RADX: variants seen among roughly 807,000 people sequenced by gnomAD.
RADX encodes the protein RPA1 related single stranded DNA binding protein, X-linked.
In RADX, 36 loss-of-function variants were observed where a neutral mutation model predicts 61.6. The ratio of observed to expected loss-of-function variants is 0.58; its 90% CI spans 0.45 to 0.77. RADX has a LOEUF of 0.77. Among genes scored for constraint, RADX ranks in the 30% least tolerant of loss-of-function variants. The pLI is 0.00. For synonymous variants in RADX, 272 were observed against 237.9 expected (o/e 1.14, Z -1.32); for missense variants, 497 against 651.1 (o/e 0.76, Z 2.58).
intron 12 of RADX, among the ~76,000 whole-genome samples, chrX:106,666,487 G>A (rs1443874504): frequency 8.9e-6 from 1 of 111,833 alleles, no homozygotes; most frequent in African/African-American, 3.2e-5. Context: ...TTTCAAAAAG[G>A]CTTTCAGCAA....
chrX:106,640,829 C>A, intron 10 of RADX, 108 bp downstream of exon 10: 2 of 529,242 alleles, frequency 3.8e-6, no homozygotes, highest in South Asian at 1.1e-4. Flanking sequence ...TGTTAGGGCC[C>A]CCATAACAAA....
intron 12 of RADX, among the ~76,000 whole-genome samples, chrX:106,663,044 A>G (rs1441065318): frequency 2.7e-5 from 3 of 111,524 alleles, no homozygotes; most frequent in East Asian, 5.6e-4. Context: ...TCACAGGAAG[A>G]TCTTAGTACC....
At chrX:106,646,059 T>C (rs775385851) in intron 10 of RADX, among the ~76,000 whole-genome samples, 1 of 111,132 alleles carries the variant, frequency 9.0e-6, no homozygotes, top group South Asian at 3.8e-4. Context: ...TTGTCTGATA[T>C]AAAGATAGCT....
intron 10 of RADX, among the ~76,000 whole-genome samples, chrX:106,641,741 A>G (rs910252795): frequency 2.7e-4 from 30 of 111,460 alleles, no homozygotes; most frequent in African/African-American, 8.1e-4. Flanking sequence ...AAGGAAATGA[A>G]CCCACCCTCT....
chrX:106,652,469 A>C (rs994909173), intron 11 of RADX, among the ~76,000 whole-genome samples: 1 of 111,434 alleles, frequency 9.0e-6, no homozygotes, highest in Non-Finnish European at 1.9e-5. Context: ...AATAGAATTT[A>C]AGGTAAAAAC....
In RADX at chrX:106,632,605, G is replaced by A. The variant is rs1446131963; in HGVS notation, c.980-20G>A. ...GGTGTGTATTAAATAGCATATTAAAGTAATATATTTATTTTTCAGAAATCT... is the reference window on the plus strand; with the variant it reads ...GGTGTGTATTAAATAGCATATTAAAATAATATATTTATTTTTCAGAAATCT... On this transcript the variant is annotated intron_variant, in intron 3 of 13. Coordinates refer to ENST00000372548, the MANE Select transcript of RADX (RefSeq NM_018015.6). The A allele has an allele frequency of 3.9e-6, 4 of 1,026,364 alleles. No individual in the cohort carries two copies. Among genetic ancestry groups the A allele is most frequent in the Admixed American group, 2.4e-5 (1 of 42,371 alleles). The allele number at this position is 1,026,364 out of a possible 1,213,427, so 84.6% of individuals were successfully genotyped here. A position where few individuals can be genotyped will look rare whatever the true frequency, so the allele number is the denominator to read the frequency against.
At position 106,625,175 on chromosome X, in the gene RADX, G is replaced by A. The variant is rs766967950; in HGVS notation, c.872G>A (p.Arg291Gln). The stretch of plus-strand genomic sequence containing the variant: ...TGTCCTGAGTGGTATAAAAGTTTGC[G>A]GGTTGGTTTAGTTCTTCTGCTTCAA... ...ALCPEWYKSL[R>Q]VGLVLLLQDY... The change falls in exon 3 of 14, where the codon CGG becomes CAG. Residue 291 changes from arginine (R) to glutamine (Q), a missense_variant. Coordinates refer to ENST00000372548, the MANE Select transcript of RADX (RefSeq NM_018015.6). 6 of 1,206,466 alleles carry A rather than the reference G, an allele frequency of 5.0e-6. No homozygotes were observed. The highest frequency in any genetic ancestry group is 3.0e-5 in the East Asian group (1 of 33,664).
chrX:106,660,839 A>G (rs1028025564), intron 11 of RADX, among the ~76,000 whole-genome samples: 7 of 112,085 alleles, frequency 6.2e-5, no homozygotes, highest in African/African-American at 2.3e-4. Context: ...TCACACTGCT[A>G]TAAATGACTG....
chrX:106,614,025 A>G (rs763561791), intron 1 of RADX, among the ~76,000 whole-genome samples: 1 of 112,107 alleles, frequency 8.9e-6, no homozygotes, highest in South Asian at 3.7e-4. Flanking sequence ...ATAAAACCCA[A>G]TCTGTATATT....
rs528912908 is a variant in RADX, at chrX:106,655,001, A to G, written c.1978+6615A>G. The stretch of plus-strand genomic sequence containing the variant: ...AAAAGTAGCAAATTTAAGTCCTTCC[A>G]TGGTTAATTGCAGGCGTACCTCAGA... On this transcript the variant is annotated intron_variant, in intron 11 of 13. Coordinates refer to ENST00000372548, the MANE Select transcript of RADX (RefSeq NM_018015.6). 5.4e-5 allele frequency among the ~76,000 whole-genome samples: 6 copies of G among 112,022 alleles called. No homozygotes were observed. In the South Asian group the frequency reaches 1.9e-3, roughly 35 times the overall value.
At chrX:106,662,523 A>G (rs1603058673) in intron 12 of RADX, among the ~76,000 whole-genome samples, 1 of 110,394 alleles carries the variant, frequency 9.1e-6, no homozygotes, top group East Asian at 2.9e-4. Context: ...GTATCTGGCG[A>G]GAGAAGAATG....
In RADX at chrX:106,632,980, C is replaced by A. The variant is rs963114465; in HGVS notation, c.1137C>A (p.Gly379=). Reference sequence around the variant, plus strand: ...AAAATTGCATCTGTGATGTTATTGGCCTTTTAGTTTTTGTAGGAAGGGTCC... The same window carrying A: ...AAAATTGCATCTGTGATGTTATTGGACTTTTAGTTTTTGTAGGAAGGGTCC... ...MPENCICDVI[G]LLVFVGRVQR... The change falls in exon 5 of 14, where the codon GGC becomes GGA. Residue 379 remains glycine, a synonymous_variant. Transcript: ENST00000372548. The A allele has an allele frequency of 8.3e-7, 1 of 1,209,426 alleles. No homozygotes were observed.
Position 106,639,526 on chromosome X carries a change from G to A in RADX, c.1574-1G>A. On this transcript the variant is annotated splice_acceptor_variant, in intron 8 of 13. Transcript: ENST00000372548. LOFTEE classifies it high-confidence loss of function. ...TACAATTTTCTTGGACTTTTTTGCA[G>A]TTGAGTCGCTCTTGACAGCTATAAG... 1 of 1,170,122 alleles carries A rather than the reference G, an allele frequency of 8.5e-7. No individual in the cohort carries two copies. The highest frequency in any genetic ancestry group is 1.1e-6 in the Non-Finnish European group (1 of 875,942).
intron 6 of RADX, among the ~76,000 whole-genome samples, chrX:106,633,727 G>A (rs978629807): frequency 8.9e-6 from 1 of 111,817 alleles, no homozygotes; most frequent in Admixed American, 9.5e-5. Flanking sequence ...AAGTAAGTTG[G>A]TAGTGTTATT....
At chrX:106,664,324 C>T (rs776027853) in intron 12 of RADX, among the ~76,000 whole-genome samples, 1 of 109,885 alleles carries the variant, frequency 9.1e-6, no homozygotes, top group Non-Finnish European at 1.9e-5. Context: ...AGGTAAAAGC[C>T]AGGCCATGAT....
intron 12 of RADX, among the ~76,000 whole-genome samples, chrX:106,668,377 T>A (rs1432965787): frequency 8.9e-6 from 1 of 112,042 alleles, no homozygotes; most frequent in Non-Finnish European, 1.9e-5. Context: ...AATTCATAGT[T>A]TTGAAGCTGT....
At chrX:106,622,857 T>C in intron 2 of RADX, 64 bp downstream of exon 2, 3 of 623,429 alleles carry the variant, frequency 4.8e-6, no homozygotes, top group Non-Finnish European at 7.1e-6. Flanking sequence ...CACACCTCAC[T>C]CCATAGTATG....
intron 1 of RADX, 32 bp downstream of exon 1, chrX:106,612,755 TA>T (rs773755744): frequency 1.3e-5 from 15 of 1,141,223 alleles, no homozygotes; most frequent in Middle Eastern, 2.5e-4. Context: ...CAGAGGGTTT[TA>T]AAAAAAATAG....
intron 4 of RADX, 89 bp from the exon 5 acceptor site, chrX:106,632,843 T>C: frequency 1.1e-6 from 1 of 942,760 alleles, no homozygotes; most frequent in Non-Finnish European, 1.5e-6. Flanking sequence ...GCTATAGCAA[T>C]TATGTAGATA....
Sources: gnomAD v4.1 joint callset for allele counts (sites outside exome capture counted in the v4.1 genomes callset) on GRCh38, gnomAD v4.1.1 for gene constraint, MANE v1.5 for transcripts, NCBI Gene and HGNC (gene_info 2026-07-23, HGNC 2026-07-21) for gene names.